The following INVS variants were observed in gnomAD, a reference collection of about 807,000 sequenced individuals.
INVS encodes inversin, also known as inversion of embryo turning homolog.
INVS carries 86 observed loss-of-function variants against 108.8 expected under a neutral mutation model. The ratio of observed to expected loss-of-function variants is 0.79; its 90% CI spans 0.66 to 0.95. INVS has a LOEUF of 0.95. INVS is among the 40% of genes least tolerant of loss of function. INVS has a pLI of 0.00. For synonymous variants in INVS, 455 were observed against 473.5 expected (o/e 0.96, Z 0.51); for missense variants, 1,169 against 1,297.4 (o/e 0.90, Z 1.52).
chr9:100,280,906 AG>A (rs1489086726), intron 12 of INVS, among the ~76,000 whole-genome samples: 8 of 152,186 alleles, frequency 5.3e-5, no homozygotes, highest in African/African-American at 1.7e-4. Context: ...TGGGCAACAT[AG>A]GGAGACCTTG....
chr9:100,103,488 C>T (rs1564113827), intron 1 of INVS, among the ~76,000 whole-genome samples: 2 of 151,842 alleles, frequency 1.3e-5, no homozygotes, highest in African/African-American at 2.4e-5. Flanking sequence ...CTTAGCCGGT[C>T]GTGATGGCAG....
At chr9:100,231,999 T>A (rs1831528447) in intron 5 of INVS, among the ~76,000 whole-genome samples, 1 of 152,190 alleles carries the variant, frequency 6.6e-6, no homozygotes, top group Admixed American at 6.5e-5. Context: ...TTTCTCCACA[T>A]CTTCTCCAGC....
chr9:100,245,567 A>G (rs1159832319), intron 7 of INVS, among the ~76,000 whole-genome samples: 4 of 152,194 alleles, frequency 2.6e-5, no homozygotes, highest in Non-Finnish European at 5.9e-5. Context: ...GGCGTGAGCC[A>G]CTGCGCCCGG....
At chr9:100,226,385 A>G in intron 4 of INVS, 150 bp downstream of exon 4, 2 of 663,488 alleles carry the variant, frequency 3.0e-6, no homozygotes, top group South Asian at 1.9e-5. Flanking sequence ...GAAGTATTTC[A>G]CTTAAATTCT....
intron 3 of INVS, among the ~76,000 whole-genome samples, chr9:100,153,243 G>A (rs1828865056): frequency 7.1e-6 from 1 of 140,476 alleles, no homozygotes; most frequent in African/African-American, 2.6e-5. Context: ...TTTCCTTCCA[G>A]AAAATGTGGC....
intron 6 of INVS, among the ~76,000 whole-genome samples, chr9:100,241,057 C>G (rs1831854788): frequency 1.3e-5 from 2 of 152,050 alleles, no homozygotes; most frequent in African/African-American, 4.8e-5. Context: ...AGCACAGATA[C>G]TCATCACTCT....
At chr9:100,239,835 G>C (rs1305227075) in intron 5 of INVS, among the ~76,000 whole-genome samples, 4 of 152,134 alleles carry the variant, frequency 2.6e-5, no homozygotes, top group Non-Finnish European at 4.4e-5. Flanking sequence ...AGCCAGGTGT[G>C]GTGGGATGTG....
intron 4 of INVS, among the ~76,000 whole-genome samples, chr9:100,227,405 G>T (rs1831362676): frequency 6.6e-6 from 1 of 152,174 alleles, no homozygotes; most frequent in Non-Finnish European, 1.5e-5. Context: ...AGATTGGATT[G>T]CTGACAATGC....
chr9:100,187,524 TC>T (rs1186932950), intron 3 of INVS, among the ~76,000 whole-genome samples: 3 of 130,122 alleles, frequency 2.3e-5, no homozygotes, highest in Admixed American at 7.6e-5. Flanking sequence ...ATCTATGATT[TC>T]TTTTTTTTTT....
At chr9:100,163,781 G>A (rs1294127352) in intron 3 of INVS, among the ~76,000 whole-genome samples, 1 of 152,334 alleles carries the variant, frequency 6.6e-6, no homozygotes, top group East Asian at 1.9e-4. Flanking sequence ...ATGGGCACGT[G>A]CTTTGTATTT....
chr9:100,190,208 T>C (rs1012355881), intron 3 of INVS, among the ~76,000 whole-genome samples: 2 of 152,234 alleles, frequency 1.3e-5, no homozygotes, highest in Non-Finnish European at 2.9e-5. Flanking sequence ...TACTCTTGCC[T>C]GCTTTTGGTT....
At chr9:100,212,922 G>C (rs914452911) in intron 3 of INVS, among the ~76,000 whole-genome samples, 1 of 152,048 alleles carries the variant, frequency 6.6e-6, no homozygotes, top group Non-Finnish European at 1.5e-5. Flanking sequence ...TGGATGGCTG[G>C]AACAACAGAC....
At chr9:100,253,168 T>C (rs756921361) in intron 10 of INVS, 32 bp downstream of exon 10, 28 of 1,517,820 alleles carry the variant, frequency 1.8e-5, no homozygotes, top group Non-Finnish European at 2.4e-5. Context: ...TATTGTTTGC[T>C]CCAAAGAATT....
intron 3 of INVS, among the ~76,000 whole-genome samples, chr9:100,146,569 A>G (rs1351574177): frequency 1.3e-5 from 2 of 152,296 alleles, no homozygotes; most frequent in Admixed American, 6.5e-5. Flanking sequence ...TTTGAGGTTC[A>G]TCCAAGCTGT....
chr9:100,117,191 GC>G, intron 2 of INVS: 1 of 1,075,004 alleles, frequency 9.3e-7, no homozygotes, highest in Non-Finnish European at 1.4e-6. Context: ...GATGGTGGTG[GC>G]CACTTCCTTG....
intron 3 of INVS, among the ~76,000 whole-genome samples, chr9:100,142,839 T>C (rs985175300): frequency 9.9e-5 from 15 of 152,136 alleles, no homozygotes; most frequent in Admixed American, 9.8e-4. Context: ...AGAAAGGCTA[T>C]AGGACGTGGT....
At chr9:100,231,026 T>C (rs2118437810) in intron 5 of INVS, among the ~76,000 whole-genome samples, 1 of 152,346 alleles carries the variant, frequency 6.6e-6, no homozygotes, top group Middle Eastern at 3.4e-3. Context: ...TATAGGTGTA[T>C]AGGAATGCAG....
intron 3 of INVS, among the ~76,000 whole-genome samples, chr9:100,180,920 G>C (rs1200429319): frequency 6.6e-6 from 1 of 152,112 alleles, no homozygotes; most frequent in South Asian, 2.1e-4. Context: ...ACATCAAAAA[G>C]CTTATCCACC....
chr9:100,272,832 TAAAAAAAA>T (rs539700665), intron 11 of INVS, 24 bp from the exon 12 acceptor site: 4 of 1,442,668 alleles, frequency 2.8e-6, no homozygotes, highest in Non-Finnish European at 3.8e-6. Flanking sequence ...ATTCTAAAAT[TAAAAAAAA>T]AAGAAATCTT....
Sources: allele counts gnomAD v4.1 joint callset (sites outside exome capture counted in the v4.1 genomes callset), GRCh38; gene constraint gnomAD v4.1.1; transcripts MANE v1.5; gene names NCBI Gene and HGNC (gene_info 2026-07-23, HGNC 2026-07-21).